ZFAT: variants seen among roughly 807,000 people sequenced by gnomAD.
The protein encoded by ZFAT is zinc finger protein ZFAT.
In ZFAT, 64 loss-of-function variants were observed where a neutral mutation model predicts 117.7. The ratio of observed to expected loss-of-function variants is 0.54; its 90% confidence interval spans 0.44 to 0.67. ZFAT has a LOEUF of 0.67. ZFAT is among the 30% of genes least tolerant of loss of function. The pLI, the probability that ZFAT is intolerant of heterozygous loss-of-function variation, is 0.00. For synonymous variants in ZFAT, 679 were observed against 615.0 expected, an observed-to-expected ratio of 1.10 and a Z score of -1.54; for missense variants, 1,433 against 1,584.5, an observed-to-expected ratio of 0.90 and a Z score of 1.62.
At chr8:134,590,130 G>A in intron 8 of ZFAT, 138 bp downstream of exon 8, 1 of 622,594 alleles carries the variant, frequency 1.6e-6, no homozygotes, top group Non-Finnish European at 2.7e-6. Flanking sequence ...GTCGAATAAA[G>A]ATGTTTGTTT....
the ZFAT span, among the ~76,000 whole-genome samples, chr8:134,769,040 G>T: frequency 1.3e-5 from 2 of 152,138 alleles, no homozygotes; most frequent in East Asian, 1.9e-4. Context: ...GGTGTGGTGG[G>T]GTGTGCAATG....
chr8:134,492,641 T>C (rs1818133755), intron 15 of ZFAT, among the ~76,000 whole-genome samples: 2 of 152,182 alleles, frequency 1.3e-5, no homozygotes. Context: ...GGCAGGACCA[T>C]TTTACAAGGT....
chr8:134,790,445 T>C, the ZFAT span, among the ~76,000 whole-genome samples: 1 of 152,176 alleles, frequency 6.6e-6, no homozygotes, highest in Non-Finnish European at 1.5e-5. Flanking sequence ...GGCATGAAAC[T>C]GTTTTCATTA....
intron 9 of ZFAT, among the ~76,000 whole-genome samples, chr8:134,585,766 G>C (rs1244671587): frequency 6.6e-6 from 1 of 152,164 alleles, no homozygotes; most frequent in Non-Finnish European, 1.5e-5. Context: ...GATATACCAA[G>C]ACACTGTCTA....
In ZFAT at chr8:134,563,182, A is replaced by G. The variant is rs1331138366; in HGVS notation, c.2976+2151T>C. On this transcript the variant is annotated intron_variant, in intron 11 of 15. Coordinates refer to ENST00000377838, the MANE Select transcript of ZFAT (RefSeq NM_020863.4). ...GCTAAAGACGCTTCTTGATTCAGACACTGCCACAATCCCACTAGGTGACAT... is the reference window on the plus strand; with the variant it reads ...GCTAAAGACGCTTCTTGATTCAGACGCTGCCACAATCCCACTAGGTGACAT... Among the ~76,000 whole-genome samples the G allele has an allele frequency of 5.3e-5, 8 of 152,370 alleles. No homozygotes were observed. The East Asian group carries it at 1.5e-3, about 29-fold the overall frequency.
intron 3 of ZFAT, among the ~76,000 whole-genome samples, chr8:134,613,764 A>C (rs1040416044): frequency 6.6e-6 from 1 of 152,138 alleles, no homozygotes; most frequent in Non-Finnish European, 1.5e-5. Flanking sequence ...TTCCTTCCTC[A>C]TGAGAAAAGT....
intron 1 of ZFAT, among the ~76,000 whole-genome samples, chr8:134,711,810 C>T (rs1481306603): frequency 2.7e-5 from 4 of 150,716 alleles, no homozygotes; most frequent in Non-Finnish European, 4.5e-5. Flanking sequence ...AGAGGGGATC[C>T]TTGCAAAGCT....
chr8:134,672,195 A>C (rs1254038445), intron 1 of ZFAT, among the ~76,000 whole-genome samples: 1 of 152,266 alleles, frequency 6.6e-6, no homozygotes, highest in Non-Finnish European at 1.5e-5. Context: ...TAATTTATAG[A>C]TTCAATGCCA....
chr8:134,685,159 T>TCAC (rs748841353), intron 1 of ZFAT, among the ~76,000 whole-genome samples: 2 of 151,936 alleles, frequency 1.3e-5, no homozygotes, highest in African/African-American at 4.8e-5. Context: ...GTCATCCCCA[T>TCAC]CACCACCACC....
chr8:134,788,429 C>CT, the ZFAT span, among the ~76,000 whole-genome samples: 31 of 152,030 alleles, frequency 2.0e-4, no homozygotes, highest in Admixed American at 2.0e-4. Context: ...CTCTAATCAT[C>CT]TTTTTTACTG....
intron 11 of ZFAT, among the ~76,000 whole-genome samples, chr8:134,540,874 G>A (rs1367370714): frequency 6.6e-6 from 1 of 152,164 alleles, no homozygotes; most frequent in African/African-American, 2.4e-5. Flanking sequence ...ACTTTGGCCT[G>A]TAGGTATTTG....
chr8:134,612,139 G>A (rs1336148131), intron 3 of ZFAT, among the ~76,000 whole-genome samples: 2 of 152,214 alleles, frequency 1.3e-5, no homozygotes, highest in Admixed American at 6.5e-5. Context: ...CAAATAACCT[G>A]CCCAAAATTC....
chr8:134,507,355 G>A lies in ZFAT; in HGVS notation c.3492+2264C>T, dbSNP rs896883111. Among the ~76,000 whole-genome samples the A allele has an allele frequency of 3.4e-4, 51 of 152,150 alleles. 1 individual carries two copies. The highest frequency in any genetic ancestry group is 1.2e-3 in the Admixed American group (18 of 15,290). On this transcript the variant is annotated intron_variant, in intron 15 of 15. Coordinates refer to ENST00000377838, the MANE Select transcript of ZFAT (RefSeq NM_020863.4). ...TAGGAGTGGTGCTCAGCGTCTACCCGCCCATCAGTCTGTCCACCCACTCTC... is the reference window on the plus strand; with the variant it reads ...TAGGAGTGGTGCTCAGCGTCTACCCACCCATCAGTCTGTCCACCCACTCTC...
the ZFAT span, among the ~76,000 whole-genome samples, chr8:134,748,632 C>T: frequency 4.6e-5 from 7 of 152,314 alleles, no homozygotes; most frequent in South Asian, 2.1e-4. Flanking sequence ...CTTCACTATA[C>T]AACGCGACAC....
At chr8:134,524,483 C>T (rs757589024) in intron 12 of ZFAT, among the ~76,000 whole-genome samples, 9 of 152,228 alleles carry the variant, frequency 5.9e-5, no homozygotes, top group Non-Finnish European at 1.2e-4. Context: ...GAATTCTTCA[C>T]TTCCCTGTCT....
chr8:134,585,612 G>A lies in ZFAT; in HGVS notation c.2714-1607C>T, dbSNP rs567704710. Among the ~76,000 whole-genome samples the A allele has an allele frequency of 4.6e-5, 7 of 152,302 alleles. No homozygotes were observed. In the South Asian group the frequency reaches 1.2e-3, roughly 27 times the overall value. On this transcript the variant is annotated intron_variant, in intron 9 of 15. Coordinates refer to ENST00000377838, the MANE Select transcript of ZFAT (RefSeq NM_020863.4). ...CATTAACATCTTTGCCCACCCACGG[G>A]CCGGCTGTGGAACCCTGGGGAGTCA...
At chr8:134,737,864 C>T in the ZFAT span, among the ~76,000 whole-genome samples, 11 of 152,152 alleles carry the variant, frequency 7.2e-5, no homozygotes, top group African/African-American at 2.4e-4. Flanking sequence ...TTTTTCAATC[C>T]TGCTTAATTT....
At chr8:134,818,440 A>G in the ZFAT span, among the ~76,000 whole-genome samples, 4 of 152,346 alleles carry the variant, frequency 2.6e-5, no homozygotes, top group South Asian at 8.3e-4. Context: ...TAGAATGGCA[A>G]TAATTAAAAA....
intron 2 of ZFAT, among the ~76,000 whole-genome samples, chr8:134,640,373 G>C (rs998842384): frequency 1.2e-4 from 18 of 152,282 alleles, no homozygotes; most frequent in African/African-American, 4.3e-4. Flanking sequence ...TTAAGCTTGA[G>C]TTTGGCAAAC....
Sources: allele counts gnomAD v4.1 joint callset (sites outside exome capture counted in the v4.1 genomes callset), GRCh38; gene constraint gnomAD v4.1.1; transcripts MANE v1.5; gene names NCBI Gene and HGNC (gene_info 2026-07-23, HGNC 2026-07-21).